Variants in RALYL observed in about 807,000 individuals in gnomAD.
RALYL encodes the protein RNA-binding Raly-like protein.
A neutral mutation model predicts 35.1 loss-of-function variants in RALYL; 29 were observed. The ratio of observed to expected loss-of-function variants is 0.83; its 90% CI spans 0.61 to 1.13. RALYL has a LOEUF of 1.13. Ranked by LOEUF, RALYL falls within the 50% of genes most tolerant of loss-of-function variation. The probability of loss-of-function intolerance (pLI) is 0.00; values close to 1 mark genes in which losing one functional copy is unlikely to be tolerated. For synonymous variants in RALYL, 120 were observed against 127.6 expected, an observed-to-expected ratio of 0.94 and a Z score of 0.40; for missense variants, 359 against 360.4, an observed-to-expected ratio of 1.00 and a Z score of 0.03.
intron 1 of RALYL, among the ~76,000 whole-genome samples, chr8:84,235,053 G>A (rs556923995): frequency 5.3e-5 from 8 of 152,180 alleles, no homozygotes; most frequent in African/African-American, 1.2e-4. Context: ...GTGAGCCACC[G>A]CGCCGGGCCT....
chr8:84,269,959 A>C (rs993331190), intron 1 of RALYL, among the ~76,000 whole-genome samples: 1 of 152,090 alleles, frequency 6.6e-6, no homozygotes, highest in African/African-American at 2.4e-5. Context: ...TAGGGTAAAG[A>C]ACTAGTTTCT....
At chr8:84,917,380 G>T (rs1848650713) in intron 8 of RALYL, among the ~76,000 whole-genome samples, 1 of 151,868 alleles carries the variant, frequency 6.6e-6, no homozygotes, top group South Asian at 2.1e-4. Context: ...AAGACAGTTT[G>T]CCAGTGTAGT....
intron 1 of RALYL, among the ~76,000 whole-genome samples, chr8:84,253,191 T>TTG (rs1830554799): frequency 7.9e-6 from 1 of 126,702 alleles, no homozygotes. Flanking sequence ...TTTTTTTTTT[T>TTG]TTTTTTTTTT....
chr8:84,470,013 G>A (rs534875538), intron 1 of RALYL, among the ~76,000 whole-genome samples: 28 of 152,196 alleles, frequency 1.8e-4, no homozygotes, highest in Middle Eastern at 6.8e-3. Flanking sequence ...CACGGTGCGC[G>A]CACCCACTGA....
chr8:84,739,259 A>G (rs1041044918), intron 2 of RALYL, among the ~76,000 whole-genome samples: 1 of 151,976 alleles, frequency 6.6e-6, no homozygotes, highest in African/African-American at 2.4e-5. Context: ...TTGTTGGTTC[A>G]TAAACAATTA....
intron 8 of RALYL, among the ~76,000 whole-genome samples, chr8:84,909,214 T>A (rs1412473406): frequency 6.6e-6 from 1 of 152,142 alleles, no homozygotes; most frequent in African/African-American, 2.4e-5. Context: ...ACACTTAAAG[T>A]CATAAATACT....
At chr8:84,663,683 A>G (rs913055163) in intron 2 of RALYL, among the ~76,000 whole-genome samples, 2 of 151,482 alleles carry the variant, frequency 1.3e-5, no homozygotes, top group African/African-American at 4.9e-5. Flanking sequence ...TTAATTGTAA[A>G]ATTGTTTATG....
At chr8:84,773,151 C>A (rs1267090362) in intron 2 of RALYL, among the ~76,000 whole-genome samples, 1 of 152,180 alleles carries the variant, frequency 6.6e-6, no homozygotes, top group Non-Finnish European at 1.5e-5. Flanking sequence ...CATGTTCTGG[C>A]AGCAACAAGT....
intron 4 of RALYL, among the ~76,000 whole-genome samples, chr8:84,824,115 C>A (rs966288221): frequency 1.3e-5 from 2 of 152,146 alleles, no homozygotes; most frequent in Non-Finnish European, 2.9e-5. Context: ...CCTAAAGACT[C>A]CACCAAAAGG....
At chr8:84,372,889 T>TTTTTTTTTTTTTTTTTTTTTG (rs1856102836) in intron 1 of RALYL, among the ~76,000 whole-genome samples, 1 of 109,620 alleles carries the variant, frequency 9.1e-6, no homozygotes, top group African/African-American at 4.3e-5. Flanking sequence ...AGCATCTGTT[T>TTTTTTTTTTTTTTTTTTTTTG]TTTTTTTTTT....
chr8:84,217,111 A>G (rs1821019568), intron 1 of RALYL, among the ~76,000 whole-genome samples: 2 of 152,164 alleles, frequency 1.3e-5, no homozygotes, highest in African/African-American at 4.8e-5. Flanking sequence ...GAGCTTGTGC[A>G]AACTTTCTGT....
intron 1 of RALYL, among the ~76,000 whole-genome samples, chr8:84,326,199 A>G (rs67589009): frequency 0.46 from 69,326 of 152,064 alleles, 16,276 homozygotes; most frequent in East Asian, 0.52. Flanking sequence ...ATATATGAGT[A>G]TGCACATTAT....
intron 1 of RALYL, among the ~76,000 whole-genome samples, chr8:84,444,344 C>T (rs1479331015): frequency 1.3e-5 from 2 of 151,632 alleles, no homozygotes; most frequent in East Asian, 1.9e-4. Flanking sequence ...AGCAAACAAA[C>T]AAGCAAAAAA....
chr8:84,384,054 CCTA>C (rs1858609763), intron 1 of RALYL, among the ~76,000 whole-genome samples: 1 of 151,706 alleles, frequency 6.6e-6, no homozygotes, highest in African/African-American at 2.4e-5. Context: ...TCTTTAATTG[CCTA>C]CTTTTTCCAG....
At chr8:84,878,983 C>T (rs1404380998) in intron 7 of RALYL, among the ~76,000 whole-genome samples, 3 of 150,468 alleles carry the variant, frequency 2.0e-5, no homozygotes, top group African/African-American at 5.0e-5. Context: ...TTTTAATATG[C>T]CCTTTCTCTG....
chr8:84,476,535 A>G (rs1400902086), intron 1 of RALYL, among the ~76,000 whole-genome samples: 1 of 152,184 alleles, frequency 6.6e-6, no homozygotes, highest in Non-Finnish European at 1.5e-5. Context: ...ACTTTTTAAT[A>G]ATCTCTTAAA....
chr8:84,729,382 A>G (rs199539069), intron 2 of RALYL, among the ~76,000 whole-genome samples: 1 of 151,724 alleles, frequency 6.6e-6, no homozygotes, highest in East Asian at 1.9e-4. Context: ...GGGCTCAAAG[A>G]AGTGTGTAGA....
chr8:84,797,178 G>A (rs766022391), intron 3 of RALYL, among the ~76,000 whole-genome samples: 22 of 152,198 alleles, frequency 1.4e-4, no homozygotes, highest in Non-Finnish European at 2.1e-4. Flanking sequence ...GTGAAGAAAC[G>A]CATGCACAAA....
At chr8:84,436,054 C>T (rs749458021) in intron 1 of RALYL, among the ~76,000 whole-genome samples, 32 of 152,106 alleles carry the variant, frequency 2.1e-4, no homozygotes, top group Non-Finnish European at 4.0e-4. Flanking sequence ...AGAACATATT[C>T]ATGTAACCAA....
Sources: gnomAD v4.1 joint callset for allele counts (sites outside exome capture counted in the v4.1 genomes callset) on GRCh38, gnomAD v4.1.1 for gene constraint, MANE v1.5 for transcripts, NCBI Gene and HGNC (gene_info 2026-07-23, HGNC 2026-07-21) for gene names.